TXNRD2: variants seen among roughly 807,000 people sequenced by gnomAD.
TXNRD2 encodes the protein thioredoxin reductase 2, mitochondrial.
Under a neutral mutation model 70.8 loss-of-function variants are expected in TXNRD2, and 67 were observed. The ratio of observed to expected loss-of-function variants is 0.95; its 90% confidence interval spans 0.78 to 1.16. TXNRD2 has a LOEUF of 1.16. Among genes scored for constraint, TXNRD2 ranks in the 50% most tolerant of loss-of-function variants. The pLI, the probability that TXNRD2 is intolerant of heterozygous loss-of-function variation, is 0.00. For missense variants in TXNRD2, 644 were observed against 719.9 expected (o/e 0.89, Z 1.21); for synonymous variants, 301 against 295.8 (o/e 1.02, Z -0.18).
At chr22:19,920,602 A>G (rs1276459784) in intron 2 of TXNRD2, among the ~76,000 whole-genome samples, 1 of 135,914 alleles carries the variant, frequency 7.4e-6, no homozygotes, top group Non-Finnish European at 1.6e-5. Context: ...AGAAAGAAAA[A>G]AAAAAAAAAA....
At chr22:19,895,319 C>A (rs1349317355) in intron 11 of TXNRD2, 88 bp downstream of exon 11, 2 of 1,601,462 alleles carry the variant, frequency 1.2e-6, no homozygotes, top group South Asian at 2.2e-5. Flanking sequence ...GATGGGGGAG[C>A]CCTGGGAGGT....
chr22:19,900,065 T>C (rs1343299992), intron 8 of TXNRD2, among the ~76,000 whole-genome samples: 2 of 152,224 alleles, frequency 1.3e-5, no homozygotes, highest in East Asian at 3.8e-4. Context: ...TTGGAATCAT[T>C]CTGCAGGTGC....
chr22:19,928,395 C>A (rs77959191), intron 2 of TXNRD2, among the ~76,000 whole-genome samples: 2,104 of 152,236 alleles, frequency 0.014, 53 homozygotes, highest in African/African-American at 0.048. Context: ...CAATGAAAAG[C>A]AAGAAACCAT....
chr22:19,921,039 G>A (rs1202314742), intron 2 of TXNRD2, among the ~76,000 whole-genome samples: 2 of 151,366 alleles, frequency 1.3e-5, no homozygotes, highest in African/African-American at 4.9e-5. Flanking sequence ...CCCAGGAAGC[G>A]GAGCTTGCAG....
intron 1 of TXNRD2, among the ~76,000 whole-genome samples, chr22:19,934,382 G>GAAAAAAAAAAAAAAAAAAAAAAA (rs35669821): frequency 1.2e-4 from 11 of 93,758 alleles, no homozygotes; most frequent in African/African-American, 4.5e-4. Flanking sequence ...CTCTGTCTCA[G>GAAAAAAAAAAAAAAAAAAAAAAA]AAAAAAAAAA....
intron 1 of TXNRD2, among the ~76,000 whole-genome samples, 154 bp from the exon 2 acceptor site, chr22:19,931,252 C>T (rs990799342): frequency 1.3e-5 from 2 of 152,206 alleles, no homozygotes; most frequent in African/African-American, 4.8e-5. Context: ...TACACATAGT[C>T]TGTGCAAATC....
chr22:19,878,287 G>A lies in TXNRD2; in HGVS notation c.1347+79C>T, dbSNP rs1938601061. 8 of 1,595,090 alleles carry A rather than the reference G, an allele frequency of 5.0e-6. No individual in the cohort carries two copies. The East Asian group carries it at 1.8e-4, about 36-fold the overall frequency. On this transcript the variant is annotated intron_variant, in intron 15 of 17. Transcript: ENST00000400521. ...TGCCTGGGAGGCATGGGTGGGGCCA[G>A]TCCTCGGGTGTTCACCCTGCCAGGC...
chr22:19,907,185 G>A (rs1170875879), intron 8 of TXNRD2, among the ~76,000 whole-genome samples: 2 of 78,234 alleles, frequency 2.6e-5, no homozygotes, highest in Admixed American at 1.8e-4. Context: ...CGCACCATGA[G>A]TAGCAGTGAC....
intron 2 of TXNRD2, among the ~76,000 whole-genome samples, chr22:19,920,534 G>T (rs1463711733): frequency 6.6e-6 from 1 of 151,582 alleles, no homozygotes; most frequent in Non-Finnish European, 1.5e-5. Context: ...AGTGAGCAGA[G>T]ATCACACCAC....
At chr22:19,909,962 ACACACACAC>A (rs1428747387) in intron 8 of TXNRD2, among the ~76,000 whole-genome samples, 11 of 143,312 alleles carry the variant, frequency 7.7e-5, no homozygotes, top group Admixed American at 3.5e-4. Flanking sequence ...CACACCACTC[ACACACACAC>A]CACACACACC....
intron 8 of TXNRD2, among the ~76,000 whole-genome samples, chr22:19,908,115 T>C (rs1402784967): frequency 1.1e-5 from 1 of 95,002 alleles, no homozygotes; most frequent in Non-Finnish European, 2.0e-5. Flanking sequence ...CTCAGGAGAG[T>C]GTGGGTGCAC....
intron 11 of TXNRD2, among the ~76,000 whole-genome samples, chr22:19,884,808 G>T (rs145579676): frequency 6.6e-6 from 1 of 152,260 alleles, no homozygotes; most frequent in African/African-American, 2.4e-5. Context: ...CCCGTAACCC[G>T]CTAGTAGAGG....
Position 19,920,380 on chromosome 22 carries a change from C to G in TXNRD2, c.173-781G>C, listed in dbSNP as rs916433875. Among the ~76,000 whole-genome samples the G allele has an allele frequency of 2.6e-5, 4 of 152,190 alleles. No homozygotes were observed. In the South Asian group the frequency reaches 8.3e-4, roughly 32 times the overall value. On this transcript the variant is annotated intron_variant, in intron 2 of 17. Transcript: ENST00000400521. ...ATCACTTGTGGTCAGGAGTTCAAGA[C>G]CAGCCTGGCCAACATGGTAAAACGT...
At chr22:19,940,995 C>A (rs1269904279) in intron 1 of TXNRD2, among the ~76,000 whole-genome samples, 1 of 152,176 alleles carries the variant, frequency 6.6e-6, no homozygotes, top group East Asian at 1.9e-4. Context: ...GTCCTTACAC[C>A]CCTCTACACT....
intron 8 of TXNRD2, among the ~76,000 whole-genome samples, chr22:19,909,020 C>A (rs1940196145): frequency 6.6e-6 from 1 of 152,032 alleles, no homozygotes; most frequent in Non-Finnish European, 1.5e-5. Flanking sequence ...GCCTGGCCAA[C>A]ATGGTGAAAC....
chr22:19,915,244 A>G lies in TXNRD2; in HGVS notation c.561T>C (p.Ala187=). ...ILLSADHIII[A]TGGRPRYPTH... ...TGGGGTATCTCGGCCGCCCTCCAGTAGCAATGATGATGTGATCGGCTGACA... is the reference window on the plus strand; with the variant it reads ...TGGGGTATCTCGGCCGCCCTCCAGTGGCAATGATGATGTGATCGGCTGACA... Residue 187 remains alanine, a synonymous_variant, in exon 7 of 18, where the codon GCT becomes GCC. Transcript: ENST00000400521. 1 of 1,613,938 alleles carries G rather than the reference A, an allele frequency of 6.2e-7. No individual in the cohort carries two copies.
At chr22:19,907,067 T>G (rs1182032767) in intron 8 of TXNRD2, among the ~76,000 whole-genome samples, 7 of 91,142 alleles carry the variant, frequency 7.7e-5, no homozygotes, top group African/African-American at 2.6e-4. Flanking sequence ...GCGCCGTGGA[T>G]AGCAGTGACG....
chr22:19,894,153 A>G (rs1400437924), intron 11 of TXNRD2: 1 of 152,270 alleles, frequency 6.6e-6, no homozygotes, highest in Admixed American at 6.5e-5. Context: ...GCTAAGAGAA[A>G]TGAGCCAGTC....
At chr22:19,886,527 G>C (rs1939041053) in intron 11 of TXNRD2, among the ~76,000 whole-genome samples, 1 of 152,248 alleles carries the variant, frequency 6.6e-6, no homozygotes, top group Non-Finnish European at 1.5e-5. Flanking sequence ...GCTGTGCCCA[G>C]TCAGCTCCCC....
Sources: gnomAD v4.1 joint callset for allele counts (sites outside exome capture counted in the v4.1 genomes callset) on GRCh38, gnomAD v4.1.1 for gene constraint, MANE v1.5 for transcripts, NCBI Gene and HGNC (gene_info 2026-07-23, HGNC 2026-07-21) for gene names.